The following MARK1 variants were observed in gnomAD, a reference collection of about 807,000 sequenced individuals.
MARK1 encodes the protein serine/threonine-protein kinase MARK1.
MARK1 carries 40 observed loss-of-function variants against 96.3 expected under a neutral mutation model. The observed-to-expected ratio is 0.42, with a 90% CI of 0.32 to 0.54. The LOEUF is 0.54. Among genes scored for constraint, MARK1 ranks in the 20% least tolerant of loss-of-function variants. The pLI, the probability that MARK1 is intolerant of heterozygous loss-of-function variation, is 0.16. For missense variants in MARK1, 719 were observed against 984.6 expected (o/e 0.73, Z 3.61); for synonymous variants, 317 against 341.2 (o/e 0.93, Z 0.78).
intron 6 of MARK1, 59 bp downstream of exon 6, chr1:220,604,196 A>G (rs1279680049): frequency 7.4e-6 from 8 of 1,078,990 alleles, no homozygotes; most frequent in Non-Finnish European, 1.1e-5. Flanking sequence ...TACAATGGAC[A>G]GTATTACAAA....
At chr1:220,657,240 C>T (rs912139592) in intron 16 of MARK1, among the ~76,000 whole-genome samples, 2 of 151,998 alleles carry the variant, frequency 1.3e-5, no homozygotes, top group Admixed American at 6.6e-5. Context: ...AGATTGAATC[C>T]GTGTTTTTAG....
chr1:220,650,747 T>C, intron 14 of MARK1, 27 bp downstream of exon 14: 1 of 1,510,712 alleles, frequency 6.6e-7, no homozygotes, highest in Non-Finnish European at 9.2e-7. Flanking sequence ...CAAGTAGTAA[T>C]ACCTTTGCTG....
At chr1:220,609,131 C>A (rs1304147654) in intron 6 of MARK1, among the ~76,000 whole-genome samples, 1 of 152,180 alleles carries the variant, frequency 6.6e-6, no homozygotes, top group African/African-American at 2.4e-5. Flanking sequence ...TCTCATTGAT[C>A]TGTCTAATAT....
At chr1:220,627,518 CTTTCTA>C (rs1404142464) in intron 9 of MARK1, 1 of 385,068 alleles carries the variant, frequency 2.6e-6, no homozygotes, top group African/African-American at 2.1e-5. Flanking sequence ...AGATTTTATG[CTTTCTA>C]TTTCTCTGTG....
At chr1:220,597,140 G>A (rs981449828) in intron 3 of MARK1, among the ~76,000 whole-genome samples, 1 of 152,084 alleles carries the variant, frequency 6.6e-6, no homozygotes, top group Non-Finnish European at 1.5e-5. Flanking sequence ...CTCTGGTTGC[G>A]GGGCTATTGT....
chr1:220,624,327 C>T (rs914783022), intron 9 of MARK1, among the ~76,000 whole-genome samples: 1 of 134,614 alleles, frequency 7.4e-6, no homozygotes, highest in African/African-American at 2.8e-5. Flanking sequence ...AGGTTGGGCA[C>T]GGTGGTTCAC....
chr1:220,538,933 T>C (rs1164507727), intron 1 of MARK1, among the ~76,000 whole-genome samples: 6 of 150,534 alleles, frequency 4.0e-5, no homozygotes, highest in African/African-American at 1.5e-4. Context: ...CCTGAGACTT[T>C]GCTGAAGTTG....
intron 17 of MARK1, among the ~76,000 whole-genome samples, chr1:220,661,444 A>C (rs893261383): frequency 1.3e-5 from 2 of 152,236 alleles, no homozygotes; most frequent in Non-Finnish European, 2.9e-5. Context: ...TATTTCAAAA[A>C]TGTATATTTA....
chr1:220,529,527 A>G (rs184684522), intron 1 of MARK1, among the ~76,000 whole-genome samples: 31 of 152,316 alleles, frequency 2.0e-4, no homozygotes, highest in African/African-American at 7.5e-4. Flanking sequence ...AATGTTGAAA[A>G]GCCACATGAA....
chr1:220,548,300 ATTAAT>A (rs943303935), intron 1 of MARK1, among the ~76,000 whole-genome samples: 20 of 152,362 alleles, frequency 1.3e-4, no homozygotes, highest in Middle Eastern at 3.4e-3. Context: ...ACTTCAAAAA[ATTAAT>A]TTAAGTTGAT....
At chr1:220,544,605 C>T (rs1334629567) in intron 1 of MARK1, among the ~76,000 whole-genome samples, 6 of 152,086 alleles carry the variant, frequency 3.9e-5, no homozygotes, top group African/African-American at 1.2e-4. Flanking sequence ...CTCAGTCTGC[C>T]GTATTCTGTT....
In MARK1 at chr1:220,630,995, G is replaced by A. The variant is rs371212509; in HGVS notation, c.910-40G>A. 157 of 1,363,718 alleles carry A rather than the reference G, an allele frequency of 1.2e-4. 3 individuals are homozygous for A. In the South Asian group the frequency reaches 1.3e-3, roughly 11 times the overall value. 84.5% of individuals were successfully genotyped at this position (1,363,718 alleles called of 1,614,324 possible). On this transcript the variant is annotated intron_variant, in intron 9 of 17. Transcript: ENST00000366917. ...ATAGAGCTATAATAAGTGGCTGAAT[G>A]TTCTGATTGACCACACATAATGTAG...
intron 13 of MARK1, among the ~76,000 whole-genome samples, chr1:220,649,490 A>G (rs1423573084): frequency 1.3e-5 from 2 of 152,120 alleles, no homozygotes; most frequent in African/African-American, 2.4e-5. Flanking sequence ...AGGCCTCCCA[A>G]AGTGTTAGGA....
chr1:220,550,977 T>A (rs1440229075), intron 1 of MARK1, among the ~76,000 whole-genome samples: 2 of 152,208 alleles, frequency 1.3e-5, no homozygotes, highest in Non-Finnish European at 1.5e-5. Context: ...AGTCTGGTAT[T>A]AAGAGGCTGA....
At chr1:220,606,527 A>G (rs932789638) in intron 6 of MARK1, among the ~76,000 whole-genome samples, 2 of 152,042 alleles carry the variant, frequency 1.3e-5, no homozygotes, top group Admixed American at 6.6e-5. Flanking sequence ...TTTTTAGTTT[A>G]ATTAGATCCT....
At chr1:220,607,497 TA>T (rs1666152601) in intron 6 of MARK1, among the ~76,000 whole-genome samples, 1 of 152,104 alleles carries the variant, frequency 6.6e-6, no homozygotes, top group Non-Finnish European at 1.5e-5. Context: ...CCTCATTTCC[TA>T]ATTGAACACC....
chr1:220,603,909 C>CT (rs1050846869), intron 5 of MARK1, among the ~76,000 whole-genome samples, 158 bp from the exon 6 acceptor site: 4 of 151,784 alleles, frequency 2.6e-5, no homozygotes, highest in African/African-American at 9.7e-5. Flanking sequence ...TAATTTTTTC[C>CT]TTTTTTCTAT....
intron 1 of MARK1, among the ~76,000 whole-genome samples, chr1:220,554,609 A>G (rs113407949): frequency 5.3e-4 from 81 of 152,326 alleles, no homozygotes; most frequent in Middle Eastern, 6.8e-3. Context: ...TGAAGCAGCA[A>G]GCTGGTTCAG....
chr1:220,613,168 TGTAAAATAATGCA>T (rs1453537818), intron 6 of MARK1, among the ~76,000 whole-genome samples: 1 of 152,146 alleles, frequency 6.6e-6, no homozygotes, highest in African/African-American at 2.4e-5. Flanking sequence ...AAGGTCTAGC[TGTAAAATAATGCA>T]GTAAAAATTG....
Sources: gnomAD v4.1 joint callset for allele counts (sites outside exome capture counted in the v4.1 genomes callset) on GRCh38, gnomAD v4.1.1 for gene constraint, MANE v1.5 for transcripts, NCBI Gene and HGNC (gene_info 2026-07-23, HGNC 2026-07-21) for gene names.